The following DGKH variants were observed in gnomAD, a reference collection of about 807,000 sequenced individuals.
DGKH encodes diacylglycerol kinase eta.
DGKH carries 90 observed loss-of-function variants against 159.3 expected under a neutral mutation model. The observed-to-expected ratio is 0.57, with a 90% CI of 0.48 to 0.67. DGKH has a LOEUF of 0.67. Among genes scored for constraint, DGKH ranks in the 30% least tolerant of loss-of-function variants. The pLI is 0.00. For synonymous variants in DGKH, 536 were observed against 553.8 expected (o/e 0.97, Z 0.45); for missense variants, 1,181 against 1,506.1 (o/e 0.78, Z 3.57).
At chr13:42,122,225 G>A (rs1293986119) in intron 1 of DGKH, among the ~76,000 whole-genome samples, 1 of 152,150 alleles carries the variant, frequency 6.6e-6, no homozygotes, top group Non-Finnish European at 1.5e-5. Flanking sequence ...ACAAGATTTA[G>A]CTTCTCATTA....
chr13:42,181,187 G>A (rs1042326396), intron 13 of DGKH, among the ~76,000 whole-genome samples: 23 of 146,328 alleles, frequency 1.6e-4, no homozygotes, highest in Admixed American at 5.8e-4. Flanking sequence ...TGAGGCAGGA[G>A]AATGGCGTGA....
At chr13:42,107,763 C>T (rs556957782) in intron 1 of DGKH, among the ~76,000 whole-genome samples, 1 of 151,876 alleles carries the variant, frequency 6.6e-6, no homozygotes. Flanking sequence ...CAGGAGGGCT[C>T]GGCTTCTTAG....
upstream of DGKH, chr13:42,043,901 C>T (rs1880655819): frequency 6.6e-6 from 1 of 151,694 alleles, no homozygotes; most frequent in East Asian, 2.0e-4. Context: ...GGGCCTGATT[C>T]TCAGCTCACT....
chr13:42,043,741 C>T (rs1880646951), upstream of DGKH: 1 of 152,190 alleles, frequency 6.6e-6, no homozygotes, highest in Non-Finnish European at 1.5e-5. Flanking sequence ...GCTTAATATT[C>T]ATTCTGTTCA....
chr13:42,050,400 T>A (rs1195781918), intron 1 of DGKH, among the ~76,000 whole-genome samples: 1 of 152,120 alleles, frequency 6.6e-6, no homozygotes, highest in Non-Finnish European at 1.5e-5. Context: ...GCCTCCTTAT[T>A]TTCTGAAATA....
rs942531075 is a variant in DGKH, at chr13:42,048,797, C to G, written c.24C>G (p.His8Gln). 6.9e-5 allele frequency: 91 copies of G among 1,315,554 alleles called. No homozygotes were observed. The highest frequency in any genetic ancestry group is 8.4e-5 in the Non-Finnish European group (86 of 1,028,516). The allele number at this position is 1,315,554 out of a possible 1,614,324, so 81.5% of individuals were successfully genotyped here. The change falls in exon 1 of 30, where the codon CAC (histidine) becomes CAG (glutamine). Residue 8 changes from histidine (H) to glutamine (Q), a missense_variant. Physicochemically the swap from His to Gln is conservative, Grantham distance 24. This residue lies in a region of DGKH where 136 missense variants were observed against 132.2 expected (regional missense o/e 1.03). Coordinates refer to ENST00000337343, the MANE Select transcript of DGKH (RefSeq NM_178009.5). The surrounding 1 kb of genome is among the most constrained non-coding windows in gnomAD (Gnocchi z 6.7). Reference protein sequence around the residue: MAGAGGQHHPPGAAGGAA... With the variant: MAGAGGQQHPPGAAGGAA... Reference sequence around the variant, plus strand: ...GGATGGCAGGGGCCGGAGGCCAGCACCACCCTCCGGGCGCCGCTGGAGGAG... The same window carrying G: ...GGATGGCAGGGGCCGGAGGCCAGCAGCACCCTCCGGGCGCCGCTGGAGGAG...
At chr13:42,182,491 A>G (rs1455916575) in intron 13 of DGKH, among the ~76,000 whole-genome samples, 2 of 152,186 alleles carry the variant, frequency 1.3e-5, no homozygotes, top group African/African-American at 4.8e-5. Flanking sequence ...ATGCCATAGT[A>G]TTTGCATATA....
rs1958324313 is a variant in DGKH at position 42,232,535 on chromosome 13, A to G, written c.*3347A>G. 6.6e-6 allele frequency: 1 copy of G among 152,094 alleles called. No individual in the cohort carries two copies. Among genetic ancestry groups the G allele is most frequent in the Non-Finnish European group, 1.5e-5 (1 of 68,010 alleles). The allele number at this position is 152,094 out of a possible 1,614,324, so 9.4% of individuals were successfully genotyped here. On this transcript the variant is annotated 3_prime_UTR_variant, in exon 30 of 30. Coordinates refer to ENST00000337343, the MANE Select transcript of DGKH (RefSeq NM_178009.5). ...TATAATCATGGTTGCTGAAATTCTC[A>G]CTGCCTTCTACTTTCCTTTCCCCAT...
At chr13:42,204,513 C>G (rs1036880208) in intron 20 of DGKH, among the ~76,000 whole-genome samples, 2 of 152,204 alleles carry the variant, frequency 1.3e-5, no homozygotes, top group Non-Finnish European at 2.9e-5. Flanking sequence ...AGCCAATAAC[C>G]CTGAGGTCTT....
In DGKH at chr13:42,210,773, G is replaced by A; in HGVS notation, c.3014+8G>A. 6.2e-7 allele frequency: 1 copy of A among 1,604,480 alleles called. No individual in the cohort carries two copies. Among genetic ancestry groups the A allele is most frequent in the Non-Finnish European group, 8.5e-7 (1 of 1,177,024 alleles). On this transcript the variant is annotated splice_region_variant and intron_variant, in intron 24 of 29. Transcript: ENST00000337343. ...AGAGGAGCTCATTACTAGGTAGGGG[G>A]CTCTGCTGACTTTTCAGGCTGTGGG...
intron 30 of DGKH, chr13:42,255,840 G>A (rs1958653229): frequency 4.4e-6 from 3 of 686,356 alleles, no homozygotes; most frequent in East Asian, 2.8e-5. Flanking sequence ...AAAAAGGGCA[G>A]CCCATTTTTA....
intron 1 of DGKH, among the ~76,000 whole-genome samples, chr13:42,065,010 G>A (rs1373136657): frequency 6.6e-6 from 1 of 152,102 alleles, no homozygotes; most frequent in Non-Finnish European, 1.5e-5. Context: ...CGTTCATAAG[G>A]ATATTCTGAG....
In DGKH at chr13:42,232,458, C is replaced by T. The variant is rs572500063; in HGVS notation, c.*3270C>T. On this transcript the variant is annotated 3_prime_UTR_variant, in exon 30 of 30. Transcript: ENST00000337343. The stretch of plus-strand genomic sequence containing the variant: ...TTTCTCTTTAGTGTCTCTTCACCTC[C>T]CTTTCTGAGTTTCTTTCCTACATCC... 134 of 152,266 alleles carry T rather than the reference C, an allele frequency of 8.8e-4. 1 individual carries two copies. The highest frequency in any genetic ancestry group is 3.4e-3 in the Middle Eastern group (1 of 292). The allele number at this position is 152,266 out of a possible 1,614,324, so 9.4% of individuals were successfully genotyped here. A position where few individuals can be genotyped will look rare whatever the true frequency, so the allele number is the denominator to read the frequency against.
intron 1 of DGKH, chr13:42,066,597 G>A (rs1043018455): frequency 1.3e-5 from 2 of 152,144 alleles, no homozygotes; most frequent in South Asian, 4.1e-4. Context: ...ATCAATACTT[G>A]TATGTAATTT....
intron 3 of DGKH, among the ~76,000 whole-genome samples, chr13:42,137,027 A>G (rs1955416114): frequency 6.6e-6 from 1 of 152,208 alleles, no homozygotes; most frequent in Non-Finnish European, 1.5e-5. Context: ...TTTTAGTGGT[A>G]CAGAACAAAA....
intron 1 of DGKH, among the ~76,000 whole-genome samples, chr13:42,095,790 T>C (rs1470123706): frequency 1.3e-5 from 2 of 152,254 alleles, no homozygotes; most frequent in Non-Finnish European, 2.9e-5. Flanking sequence ...ATAATTACAA[T>C]TCAATTAAGT....
At chr13:42,248,425 C>CA (rs538828541) in intron 29 of DGKH, among the ~76,000 whole-genome samples, 7,459 of 141,004 alleles carry the variant, frequency 0.053, 301 homozygotes, top group Non-Finnish European at 0.081. Flanking sequence ...GACACCGTCT[C>CA]AAAAAAATAT....
rs572077159 is a variant in DGKH at position 42,052,858 on chromosome 13, C to T, written c.192+3893C>T. Reference sequence around the variant, plus strand: ...TCAATGACTTTTTCTGCCTTTGGGTCATCTCGGCTAAGGTTGTGAAGCTGC... The same window carrying T: ...TCAATGACTTTTTCTGCCTTTGGGTTATCTCGGCTAAGGTTGTGAAGCTGC... On this transcript the variant is annotated intron_variant, in intron 1 of 29. Transcript: ENST00000337343. Among the ~76,000 whole-genome samples, 7 of 152,318 alleles carry T rather than the reference C, an allele frequency of 4.6e-5. No homozygotes were observed. In the South Asian group the frequency reaches 1.4e-3, roughly 32 times the overall value.
intron 1 of DGKH, among the ~76,000 whole-genome samples, chr13:42,095,156 C>CTTTTTTTTTTTTTTTTTTTTTTT (rs776422302): frequency 1.3e-5 from 1 of 76,804 alleles, no homozygotes; most frequent in Non-Finnish European, 2.3e-5. Context: ...ATGTTGACTC[C>CTTTTTTTTTTTTTTTTTTTTTTT]TTTTTTTTTT....
Sources: gnomAD v4.1 joint callset for allele counts (sites outside exome capture counted in the v4.1 genomes callset) on GRCh38, gnomAD v4.1.1 for gene constraint, gnomAD v4.1.1 regional missense constraint, Gnocchi (gnomAD v3.1) non-coding constraint, MANE v1.5 for transcripts, NCBI Gene and HGNC (gene_info 2026-07-23, HGNC 2026-07-21) for gene names.